The following TENM2 variants were observed in gnomAD, a reference collection of about 807,000 sequenced individuals.
TENM2 encodes teneurin transmembrane protein 2.
In TENM2, 52 loss-of-function variants were observed where a neutral mutation model predicts 245.2. That is an observed-to-expected ratio of 0.21 (90% confidence interval 0.17 to 0.27). TENM2 has a LOEUF of 0.27. Ranked by LOEUF, TENM2 falls within the 10% of genes least tolerant of loss-of-function variation. The probability of loss-of-function intolerance (pLI) is 1.00; values close to 1 mark genes in which losing one functional copy is unlikely to be tolerated. For synonymous variants in TENM2, 1,363 were observed against 1,438.9 expected (o/e 0.95, Z 1.19); for missense variants, 3,046 against 3,666.8 (o/e 0.83, Z 4.37).
intron 2 of TENM2, among the ~76,000 whole-genome samples, chr5:167,392,597 G>A (rs2127366026): frequency 6.6e-6 from 1 of 152,192 alleles, no homozygotes; most frequent in African/African-American, 2.4e-5. Flanking sequence ...TACACTACGG[G>A]TTTTCCCCAG....
Position 167,663,727 on chromosome 5 carries a change from C to A in TENM2, c.503-212259C>A, listed in dbSNP as rs75136519. 5.9e-3 allele frequency among the ~76,000 whole-genome samples: 900 copies of A among 152,098 alleles called. 4 individuals carry two copies. Among genetic ancestry groups the A allele is most frequent in the African/African-American group, 0.019 (784 of 41,492 alleles). On this transcript the variant is annotated intron_variant, in intron 2 of 28. Coordinates refer to ENST00000518659, the Ensembl canonical transcript of TENM2. ...TTCTCTCATATTTTAATCTCTGTGT[C>A]TCTGTCTTCAGTATTATGGATAAAT...
At chr5:167,083,836 C>T in the TENM2 span, among the ~76,000 whole-genome samples, 1 of 152,132 alleles carries the variant, frequency 6.6e-6, no homozygotes, top group African/African-American at 2.4e-5. Context: ...TGCATAGTGA[C>T]ACTGCTATTT....
chr5:167,787,746 T>C (rs1181512955), intron 2 of TENM2, among the ~76,000 whole-genome samples: 2 of 152,192 alleles, frequency 1.3e-5, no homozygotes, highest in Non-Finnish European at 2.9e-5. Flanking sequence ...GGTGTTCACC[T>C]GTGCAGGTGG....
At chr5:167,597,163 TTC>T (rs1278868507) in intron 2 of TENM2, among the ~76,000 whole-genome samples, 46,106 of 109,560 alleles carry the variant, frequency 0.42, 9,824 homozygotes, top group Non-Finnish European at 0.55. Flanking sequence ...TTCTTTTCTT[TTC>T]TTTTTTTTTT....
intron 2 of TENM2, among the ~76,000 whole-genome samples, chr5:167,763,205 A>G (rs1056597070): frequency 1.3e-5 from 2 of 152,260 alleles, no homozygotes; most frequent in African/African-American, 2.4e-5. Context: ...ATGCTTTAAA[A>G]GATCTTTTAA....
intron 1 of TENM2, among the ~76,000 whole-genome samples, chr5:167,350,645 C>CATAT (rs1160140052): frequency 8.3e-5 from 11 of 132,746 alleles, no homozygotes; most frequent in African/African-American, 2.3e-4. Flanking sequence ...ATATGGGATA[C>CATAT]GTATATGGAT....
At chr5:168,109,354 T>C (rs1414927191) in intron 9 of TENM2, among the ~76,000 whole-genome samples, 1 of 152,224 alleles carries the variant, frequency 6.6e-6, no homozygotes, top group Non-Finnish European at 1.5e-5. Flanking sequence ...ATCAACTACA[T>C]GCTGGGCACT....
chr5:167,456,866 T>C lies in TENM2; in HGVS notation c.502+81393T>C, dbSNP rs144310244. Among the ~76,000 whole-genome samples the C allele has an allele frequency of 1.6e-3, 242 of 152,342 alleles. 2 individuals are homozygous for C. The highest frequency in any genetic ancestry group is 5.7e-3 in the African/African-American group (235 of 41,582). On this transcript the variant is annotated intron_variant, in intron 2 of 28. Coordinates refer to ENST00000518659, the Ensembl canonical transcript of TENM2. Reference sequence around the variant, plus strand: ...AAGTATATGTTCTCCAATATGTGAATATCCACATTCATAAGTCATGCTGCA... The same window carrying C: ...AAGTATATGTTCTCCAATATGTGAACATCCACATTCATAAGTCATGCTGCA...
intron 2 of TENM2, chr5:167,755,031 C>T (rs374156221): frequency 1.9e-4 from 304 of 1,587,278 alleles, no homozygotes; most frequent in Non-Finnish European, 2.3e-4. Context: ...AAACGAAGAG[C>T]GGCCCACTCC....
At chr5:167,948,122 C>T (rs1011912632) in intron 3 of TENM2, among the ~76,000 whole-genome samples, 2 of 152,184 alleles carry the variant, frequency 1.3e-5, no homozygotes, top group Non-Finnish European at 2.9e-5. Flanking sequence ...TTGTTTAAAA[C>T]GTGGGCATTG....
the TENM2 span, among the ~76,000 whole-genome samples, chr5:167,240,741 C>A: frequency 6.6e-6 from 1 of 152,320 alleles, no homozygotes; most frequent in Non-Finnish European, 1.5e-5. Flanking sequence ...GGAATATGTG[C>A]TACCTTCTTC....
Position 168,126,670 on chromosome 5 carries a change from G to T in TENM2, c.2210-84G>T, listed in dbSNP as rs113508115. On this transcript the variant is annotated intron_variant, in intron 11 of 28. Coordinates refer to ENST00000518659, the Ensembl canonical transcript of TENM2. ...GCTGGGCCTCGGGGCCTGCTCCAGG[G>T]GTCTGGGCCATGTGCGTGGTCTGGA... 1.6e-3 allele frequency: 1,900 copies of T among 1,176,712 alleles called. 31 individuals are homozygous for T. The African/African-American group carries it at 0.026, about 16-fold the overall frequency. The allele number at this position is 1,176,712 out of a possible 1,614,324, so 72.9% of individuals were successfully genotyped here.
chr5:167,390,126 G>A (rs1190680146), intron 2 of TENM2, among the ~76,000 whole-genome samples: 4 of 152,140 alleles, frequency 2.6e-5, no homozygotes, highest in South Asian at 4.1e-4. Flanking sequence ...ATTTTCAAAA[G>A]CATGCGACTT....
intron 2 of TENM2, among the ~76,000 whole-genome samples, chr5:167,494,933 G>T (rs748116973): frequency 1.3e-5 from 2 of 151,526 alleles, no homozygotes; most frequent in Non-Finnish European, 2.9e-5. Context: ...TTTAATATAC[G>T]GCCTCTAAAA....
At position 168,195,580 on chromosome 5, in the gene TENM2, GT is replaced by G. The variant is rs1761348347; in HGVS notation, c.2900+286del. Among the ~76,000 whole-genome samples, 3 of 148,246 alleles carry G rather than the reference GT, an allele frequency of 2.0e-5. No individual in the cohort carries two copies. The South Asian group carries it at 6.5e-4, about 32-fold the overall frequency. On this transcript the variant is annotated intron_variant, in intron 15 of 28. Transcript: ENST00000518659. The stretch of plus-strand genomic sequence containing the variant: ...TGTGTGTGTGTGTGTGTGTGTGTGT[GT>G]GTGTGTGTGTGTGTGTGTGTGTGTG...
At chr5:167,931,974 G>A (rs978123967) in intron 3 of TENM2, among the ~76,000 whole-genome samples, 1 of 152,186 alleles carries the variant, frequency 6.6e-6, no homozygotes, top group Non-Finnish European at 1.5e-5. Flanking sequence ...TGACATTTCT[G>A]TTTCAATAAA....
At chr5:167,730,007 T>C (rs562256499) in intron 2 of TENM2, among the ~76,000 whole-genome samples, 1 of 152,320 alleles carries the variant, frequency 6.6e-6, no homozygotes, top group African/African-American at 2.4e-5. Flanking sequence ...TTGCGTCTCC[T>C]TGATAAGATA....
intron 4 of TENM2, among the ~76,000 whole-genome samples, chr5:167,955,299 A>G (rs1005430218): frequency 3.3e-5 from 5 of 151,648 alleles, no homozygotes; most frequent in African/African-American, 1.2e-4. Context: ...CCTTCACCCA[A>G]TTTTTGATGG....
the TENM2 span, among the ~76,000 whole-genome samples, chr5:167,151,649 G>A: frequency 6.6e-6 from 1 of 152,064 alleles, no homozygotes; most frequent in Non-Finnish European, 1.5e-5. Context: ...CTCCTGAGTA[G>A]CTGGGACTAC....
Sources: allele counts gnomAD v4.1 joint callset (sites outside exome capture counted in the v4.1 genomes callset), GRCh38; gene constraint gnomAD v4.1.1; transcripts MANE v1.5; gene names NCBI Gene and HGNC (gene_info 2026-07-23, HGNC 2026-07-21).